The following IVD variants were observed in gnomAD, a reference collection of about 807,000 sequenced individuals.
IVD encodes isovaleryl-CoA dehydrogenase, mitochondrial.
Under a neutral mutation model 51.3 loss-of-function variants are expected in IVD, and 31 were observed. The ratio of observed to expected loss-of-function variants is 0.60; its 90% CI spans 0.45 to 0.81. IVD has a LOEUF of 0.81. Among genes scored for constraint, IVD ranks in the 40% least tolerant of loss-of-function variants. IVD has a pLI of 0.00. For missense variants in IVD, 475 were observed against 552.0 expected, an observed-to-expected ratio of 0.86 and a Z score of 1.40; for synonymous variants, 205 against 219.4, an observed-to-expected ratio of 0.93 and a Z score of 0.58.
chr15:40,434,544 A>G (rs909958211), intron 8 of IVD, among the ~76,000 whole-genome samples: 1 of 152,224 alleles, frequency 6.6e-6, no homozygotes, highest in Non-Finnish European at 1.5e-5. Flanking sequence ...CTTATAAATA[A>G]AGACTTACGG....
downstream of IVD, among the ~76,000 whole-genome samples, chr15:40,423,210 T>C (rs1011449304): frequency 6.6e-6 from 1 of 152,224 alleles, no homozygotes; most frequent in African/African-American, 2.4e-5. Context: ...AGTGTTGGGA[T>C]TATAGGCGTT....
intron 11 of IVD, among the ~76,000 whole-genome samples, chr15:40,417,136 G>A (rs149653163): frequency 0.025 from 3,713 of 151,066 alleles, 155 homozygotes; most frequent in African/African-American, 0.087. Context: ...CCCAGGAGGC[G>A]GAGGTTGCAG....
chr15:40,406,946 G>A (rs1890503023), intron 1 of IVD, among the ~76,000 whole-genome samples: 2 of 149,768 alleles, frequency 1.3e-5, no homozygotes, highest in South Asian at 2.1e-4. Context: ...TCACCACAAC[G>A]TCCGCCTCCC....
intron 3 of IVD, 101 bp from the exon 4 acceptor site, chr15:40,410,527 A>C: frequency 7.4e-7 from 1 of 1,352,388 alleles, no homozygotes; most frequent in Non-Finnish European, 1.1e-6. Context: ...AGTAGGTGCT[A>C]CAAGGTGCTT....
chr15:40,432,563 T>C (rs1388187827), intron 7 of IVD, among the ~76,000 whole-genome samples: 3 of 152,252 alleles, frequency 2.0e-5, no homozygotes, highest in Admixed American at 6.5e-5. Context: ...TAAGTGAAGA[T>C]GGCAAAAGAA....
intron 3 of IVD, among the ~76,000 whole-genome samples, 172 bp downstream of exon 3, chr15:40,408,162 C>T (rs2141305749): frequency 6.6e-6 from 1 of 152,358 alleles, no homozygotes; most frequent in African/African-American, 2.4e-5. Context: ...GGACACTCTT[C>T]TATTTTATTA....
intron 7 of IVD, among the ~76,000 whole-genome samples, chr15:40,414,206 A>G (rs1891402288): frequency 6.6e-6 from 1 of 152,212 alleles, no homozygotes; most frequent in Non-Finnish European, 1.5e-5. Context: ...TGCCTCAGCC[A>G]TATACCACGC....
chr15:40,407,200 C>G (rs930003513), intron 1 of IVD, among the ~76,000 whole-genome samples: 1 of 152,216 alleles, frequency 6.6e-6, no homozygotes, highest in African/African-American at 2.4e-5. Context: ...GTAATCAGAC[C>G]CTTTTAGCCA....
At position 40,411,068 on chromosome 15, in the gene IVD, G is replaced by C. The variant is rs564729810; in HGVS notation, c.457-192G>C. ...GTAGGACTAGCTTCCTTTGCAAAGGGAATGGAAAAAGGAGAGGCATTTTCA... is the reference window on the plus strand; with the variant it reads ...GTAGGACTAGCTTCCTTTGCAAAGGCAATGGAAAAAGGAGAGGCATTTTCA... On this transcript the variant is annotated intron_variant, in intron 4 of 11. Transcript: ENST00000487418. Among the ~76,000 whole-genome samples, 88 of 152,330 alleles carry C rather than the reference G, an allele frequency of 5.8e-4. 1 individual carries two copies. Among genetic ancestry groups the C allele is most frequent in the African/African-American group, 1.9e-3 (81 of 41,576 alleles).
At chr15:40,411,238 CT>C (rs1197483481) in intron 4 of IVD, 21 bp from the exon 5 acceptor site, 12 of 1,612,240 alleles carry the variant, frequency 7.4e-6, no homozygotes, top group African/African-American at 1.3e-5. Flanking sequence ...GTAACAAGGC[CT>C]GTTGGGGGTT....
chr15:40,408,408 G>T (rs1890695694), intron 3 of IVD, among the ~76,000 whole-genome samples: 1 of 152,210 alleles, frequency 6.6e-6, no homozygotes, highest in Admixed American at 6.5e-5. Flanking sequence ...CTGGGCAGGT[G>T]TGTCCCTGCA....
At chr15:40,432,531 C>G (rs1476017474) in intron 7 of IVD, among the ~76,000 whole-genome samples, 1 of 152,230 alleles carries the variant, frequency 6.6e-6, no homozygotes. Flanking sequence ...GGTCCTGGCT[C>G]TTGCTGTGGG....
chr15:40,415,380 G>T (rs771061679), intron 8 of IVD, 21 bp from the exon 9 acceptor site: 2 of 1,607,324 alleles, frequency 1.2e-6, no homozygotes, highest in South Asian at 2.2e-5. Context: ...GTGCCCACGG[G>T]GCCTTTCTCC....
chr15:40,420,735 T>A lies in IVD; in HGVS notation c.*2472T>A. 1 of 985,854 alleles carries A rather than the reference T, an allele frequency of 1.0e-6. No individual in the cohort carries two copies. The highest frequency in any genetic ancestry group is 1.7e-5 in the African/African-American group (1 of 57,372). 61.1% of individuals were successfully genotyped at this position (985,854 alleles called of 1,614,324 possible). A position where few individuals can be genotyped will look rare whatever the true frequency, so the allele number is the denominator to read the frequency against. ...TTTGTTTTTAAAAAGATCAACACAA[T>A]TTGACTTTCTCAAGGTCAAAACGAA... On this transcript the variant is annotated 3_prime_UTR_variant, in exon 12 of 12. Coordinates refer to ENST00000487418, the MANE Select transcript of IVD (RefSeq NM_002225.5).
intron 7 of IVD, among the ~76,000 whole-genome samples, chr15:40,432,235 C>T (rs1293044418): frequency 5.3e-5 from 8 of 152,302 alleles, no homozygotes; most frequent in Admixed American, 2.0e-4. Flanking sequence ...TGAGCCACTG[C>T]GCCTGGCCTA....
chr15:40,409,835 C>CTTT (rs11365500), intron 3 of IVD, among the ~76,000 whole-genome samples: 11 of 131,718 alleles, frequency 8.4e-5, no homozygotes, highest in Admixed American at 1.6e-4. Flanking sequence ...CTGCTTCTTT[C>CTTT]TTTTTTTTTT....
intron 3 of IVD, among the ~76,000 whole-genome samples, chr15:40,408,773 A>C (rs1355627171): frequency 6.6e-6 from 1 of 152,042 alleles, no homozygotes; most frequent in Admixed American, 6.6e-5. Context: ...CAACATGGAG[A>C]AACTCTGTCT....
At position 40,405,814 on chromosome 15, in the gene IVD, C is replaced by A. The variant is rs773455680; in HGVS notation, c.-14C>A. 4 of 1,608,284 alleles carry A rather than the reference C, an allele frequency of 2.5e-6. No individual in the cohort carries two copies. Among genetic ancestry groups the A allele is most frequent in the East Asian group, 2.2e-5 (1 of 44,718 alleles). ...TGGCTCAGTTTCAGCGCTGGCTCTT[C>A]GTGCATGGCAGAGATGGCGACTGCG... On this transcript the variant is annotated 5_prime_UTR_variant, in exon 1 of 12. Coordinates refer to ENST00000487418, the MANE Select transcript of IVD (RefSeq NM_002225.5).
At chr15:40,416,455 C>G in intron 11 of IVD, 93 bp downstream of exon 11, 1 of 1,148,808 alleles carries the variant, frequency 8.7e-7, no homozygotes, top group Non-Finnish European at 1.3e-6. Flanking sequence ...CGTGGTGGCT[C>G]ACACCTATAA....
Sources: allele counts gnomAD v4.1 joint callset (sites outside exome capture counted in the v4.1 genomes callset), GRCh38; gene constraint gnomAD v4.1.1; transcripts MANE v1.5; gene names NCBI Gene and HGNC (gene_info 2026-07-23, HGNC 2026-07-21).